COL11A1: variants seen among roughly 807,000 people sequenced by gnomAD.
COL11A1 encodes the protein collagen alpha-1(XI) chain.
Under a neutral mutation model 265.2 loss-of-function variants are expected in COL11A1, and 74 were observed. The ratio of observed to expected loss-of-function variants is 0.28; its 90% confidence interval spans 0.23 to 0.34. The LOEUF (loss-of-function observed/expected upper bound fraction) is 0.34. Among genes scored for constraint, COL11A1 ranks in the 10% least tolerant of loss-of-function variants. The pLI, the probability that COL11A1 is intolerant of heterozygous loss-of-function variation, is 1.00. For missense variants in COL11A1, 2,165 were observed against 2,263.6 expected, an observed-to-expected ratio of 0.96 and a Z score of 0.88; for synonymous variants, 816 against 727.6, an observed-to-expected ratio of 1.12 and a Z score of -1.96.
At chr1:103,072,926 G>C (rs1209671584) in intron 4 of COL11A1, among the ~76,000 whole-genome samples, 4 of 151,564 alleles carry the variant, frequency 2.6e-5, no homozygotes, top group African/African-American at 9.7e-5. Flanking sequence ...CCTTTAACTG[G>C]TCAAAGATTG....
chr1:103,040,874 A>T (rs1472949525), intron 4 of COL11A1, among the ~76,000 whole-genome samples: 1 of 151,734 alleles, frequency 6.6e-6, no homozygotes, highest in Non-Finnish European at 1.5e-5. Flanking sequence ...CATAAAAGCT[A>T]TTAATTATTA....
At chr1:103,092,488 C>T (rs766217363) in intron 1 of COL11A1, among the ~76,000 whole-genome samples, 4 of 152,010 alleles carry the variant, frequency 2.6e-5, no homozygotes, top group African/African-American at 9.7e-5. Flanking sequence ...ATACATGGCA[C>T]CATTACACAT....
chr1:102,943,717 G>C (rs982755989), intron 42 of COL11A1, among the ~76,000 whole-genome samples: 1 of 152,064 alleles, frequency 6.6e-6, no homozygotes, highest in Non-Finnish European at 1.5e-5. Context: ...GCTAGAAATT[G>C]TAAATAAGTA....
intron 4 of COL11A1, among the ~76,000 whole-genome samples, chr1:103,035,302 A>G (rs548526439): frequency 6.6e-6 from 1 of 152,108 alleles, no homozygotes; most frequent in East Asian, 1.9e-4. Flanking sequence ...CTTTTGATCC[A>G]TATTTTGACA....
intron 37 of COL11A1, among the ~76,000 whole-genome samples, chr1:102,968,435 T>C (rs891077538): frequency 1.3e-5 from 2 of 152,104 alleles, no homozygotes; most frequent in Non-Finnish European, 2.9e-5. Context: ...CCAGGAAAAA[T>C]TGGGAATAGT....
At chr1:103,050,474 G>T (rs976620326) in intron 4 of COL11A1, among the ~76,000 whole-genome samples, 1 of 152,076 alleles carries the variant, frequency 6.6e-6, no homozygotes, top group Non-Finnish European at 1.5e-5. Context: ...GGACTTCTCT[G>T]CATTGGTTAT....
In COL11A1 at chr1:102,883,219, G is replaced by T. The variant is rs776122573; in HGVS notation, c.4951C>A (p.Pro1651Thr). The T allele has an allele frequency of 6.2e-7, 1 of 1,612,294 alleles. No individual in the cohort carries two copies. The highest frequency in any genetic ancestry group is 8.5e-7 in the Non-Finnish European group (1 of 1,178,592). ...FTSGGETCIYPDKKSEGVRIS... is the reference protein window; with the variant it reads ...FTSGGETCIYTDKKSEGVRIS... ...CTTACTCCCTCAGATTTTTTGTCTGGATAAATGCAAGTCTCACCACCAGAT... is the reference window on the plus strand; with the variant it reads ...CTTACTCCCTCAGATTTTTTGTCTGTATAAATGCAAGTCTCACCACCAGAT... The change falls in exon 64 of 67, where the codon CCA (proline) becomes ACA (threonine). Residue 1651 changes from proline (P) to threonine (T), a missense_variant. Coordinates refer to ENST00000370096, the MANE Select transcript of COL11A1 (RefSeq NM_001854.4).
At chr1:102,891,410 T>G (rs1391688988) in intron 57 of COL11A1, among the ~76,000 whole-genome samples, 2 of 151,926 alleles carry the variant, frequency 1.3e-5, no homozygotes, top group South Asian at 4.1e-4. Context: ...TAAATATACT[T>G]CTATTTCAAT....
At chr1:102,893,719 A>C (rs1380929361) in intron 57 of COL11A1, among the ~76,000 whole-genome samples, 1 of 152,118 alleles carries the variant, frequency 6.6e-6, no homozygotes, top group East Asian at 1.9e-4. Context: ...TCAAAACTCT[A>C]GTTCATTGAA....
At chr1:102,881,468 C>A (rs1033296704) in intron 65 of COL11A1, among the ~76,000 whole-genome samples, 15 of 151,980 alleles carry the variant, frequency 9.9e-5, no homozygotes, top group Non-Finnish European at 2.9e-5. Flanking sequence ...TGATTTGATC[C>A]TTGTTTTCCA....
chr1:103,026,309 T>A lies in COL11A1; in HGVS notation c.804A>T (p.Glu268Asp). The A allele has an allele frequency of 6.2e-7, 1 of 1,613,192 alleles. No homozygotes were observed. The highest frequency in any genetic ancestry group is 8.5e-7 in the Non-Finnish European group (1 of 1,179,148). The change falls in exon 6 of 67, where the codon GAA becomes GAT. Residue 268 changes from glutamate (E) to aspartate (D), a missense_variant. Physicochemically the swap from Glu to Asp is conservative, Grantham distance 45. Coordinates refer to ENST00000370096, the MANE Select transcript of COL11A1 (RefSeq NM_001854.4). ...IDEYAPEDII[E>D]YDYEYGEAEY... Reference sequence around the variant, plus strand: ...CTGCTTCCCCATACTCATAGTCATATTCGATTATATCCTCTGGTGCATACT... The same window carrying A: ...CTGCTTCCCCATACTCATAGTCATAATCGATTATATCCTCTGGTGCATACT...
chr1:103,010,348 A>G (rs947957751), intron 14 of COL11A1, among the ~76,000 whole-genome samples: 4 of 152,306 alleles, frequency 2.6e-5, no homozygotes, highest in Non-Finnish European at 5.9e-5. Context: ...ATGTTTTGAA[A>G]TGGTAAAAAG....
intron 1 of COL11A1, among the ~76,000 whole-genome samples, chr1:103,083,923 G>C (rs537049023): frequency 6.6e-6 from 1 of 152,172 alleles, no homozygotes; most frequent in South Asian, 2.1e-4. Flanking sequence ...TTACTGTGAC[G>C]TGGTCAATAT....
intron 4 of COL11A1, among the ~76,000 whole-genome samples, chr1:103,068,172 T>C (rs1270577584): frequency 6.6e-6 from 1 of 151,688 alleles, no homozygotes; most frequent in Non-Finnish European, 1.5e-5. Flanking sequence ...TCCTCATTAA[T>C]ATAGACTAAA....
Position 103,001,964 on chromosome 1 carries a change from A to G in COL11A1, c.2103T>C (p.Leu701=), listed in dbSNP as rs1665148920. The G allele has an allele frequency of 6.2e-7, 1 of 1,612,720 alleles. No homozygotes were observed. The highest frequency in any genetic ancestry group is 1.7e-5 in the Admixed American group (1 of 59,974). ...GACCAATTGGACCTTGTGGACCAGG[A>G]AGACCCTATTTTAAAAGAATTTATT... The part of the protein sequence containing the change: ...GQQGNPGPQG[L]PGPQGPIGPP... Residue 701 remains leucine, a synonymous_variant, in exon 24 of 67, where the codon CTT becomes CTC. Coordinates refer to ENST00000370096, the MANE Select transcript of COL11A1 (RefSeq NM_001854.4).
At chr1:103,013,679 A>T (rs1014153478) in intron 13 of COL11A1, among the ~76,000 whole-genome samples, 1 of 151,950 alleles carries the variant, frequency 6.6e-6, no homozygotes, top group Admixed American at 6.6e-5. Context: ...AGATATTTTT[A>T]CACATGCTGC....
intron 3 of COL11A1, among the ~76,000 whole-genome samples, chr1:103,075,650 C>T (rs1478009171): frequency 6.6e-6 from 1 of 152,056 alleles, no homozygotes; most frequent in African/African-American, 2.4e-5. Context: ...TTAAATGAAG[C>T]CCACTCAATT....
At chr1:103,086,466 G>C (rs1169670030) in intron 1 of COL11A1, among the ~76,000 whole-genome samples, 1 of 152,162 alleles carries the variant, frequency 6.6e-6, no homozygotes, top group African/African-American at 2.4e-5. Flanking sequence ...GCCCAGGCTG[G>C]AGTGCAGTGG....
intron 57 of COL11A1, among the ~76,000 whole-genome samples, chr1:102,894,515 T>C (rs544963673): frequency 6.9e-4 from 87 of 125,694 alleles, no homozygotes; most frequent in African/African-American, 2.6e-3. Context: ...GCCCCGGTGA[T>C]AGAGTGAGAC....
Sources: gnomAD v4.1 joint callset for allele counts (sites outside exome capture counted in the v4.1 genomes callset) on GRCh38, gnomAD v4.1.1 for gene constraint, MANE v1.5 for transcripts, NCBI Gene and HGNC (gene_info 2026-07-23, HGNC 2026-07-21) for gene names.